Variants in MCEE observed in about 807,000 individuals in gnomAD.
MCEE encodes methylmalonyl-CoA epimerase, mitochondrial.
MCEE carries 6 observed loss-of-function variants against 12.9 expected under a neutral mutation model. The observed-to-expected ratio is 0.47, with a 90% CI of 0.26 to 0.92. MCEE has a LOEUF of 0.92. Ranked by LOEUF, MCEE falls within the 40% of genes least tolerant of loss-of-function variation. The probability of loss-of-function intolerance (pLI) is 0.16; values close to 1 mark genes in which losing one functional copy is unlikely to be tolerated. For synonymous variants in MCEE, 78 were observed against 77.9 expected, an observed-to-expected ratio of 1.00 and a Z score of -0.01; for missense variants, 214 against 212.1, an observed-to-expected ratio of 1.01 and a Z score of -0.05.
intron 2 of MCEE, among the ~76,000 whole-genome samples, chr2:71,123,211 G>A (rs1673131876): frequency 1.3e-5 from 2 of 152,168 alleles, no homozygotes; most frequent in Non-Finnish European, 2.9e-5. Context: ...GGCCTAACAG[G>A]CCAGGCAAGG....
Position 71,125,211 on chromosome 2 carries a change from A to AT in MCEE, c.41-669dup, listed in dbSNP as rs1243506608. ...TAAATATATATATATATATATATAT[A>AT]TTTTTTTTTTTTTTTGAGACGGAGT... On this transcript the variant is annotated intron_variant, in intron 1 of 2. Coordinates refer to ENST00000244217, the MANE Select transcript of MCEE (RefSeq NM_032601.4). Among the ~76,000 whole-genome samples the AT allele has an allele frequency of 3.1e-3, 149 of 48,604 alleles. 4 individuals are homozygous for AT. Among genetic ancestry groups the AT allele is most frequent in the East Asian group, 7.8e-3 (19 of 2,428 alleles). The allele number at this position is 48,604 out of a possible 152,430, so 31.9% of individuals were successfully genotyped here. A position where few individuals can be genotyped will look rare whatever the true frequency, so the allele number is the denominator to read the frequency against.
chr2:71,125,188 A>AAT (rs67615436), intron 1 of MCEE, among the ~76,000 whole-genome samples: 8,464 of 65,462 alleles, frequency 0.13, 1,435 homozygotes, highest in Non-Finnish European at 0.19. Flanking sequence ...TATATATATA[A>AAT]ATATATATAT....
intron 2 of MCEE, among the ~76,000 whole-genome samples, chr2:71,113,665 G>T (rs1672934251): frequency 1.3e-5 from 2 of 151,968 alleles, no homozygotes; most frequent in South Asian, 4.1e-4. Context: ...AATCTGAGGG[G>T]AAAAAAAGTA....
chr2:71,111,964 G>C (rs1435541078), intron 2 of MCEE, among the ~76,000 whole-genome samples: 4 of 152,184 alleles, frequency 2.6e-5, no homozygotes, highest in Non-Finnish European at 4.4e-5. Context: ...AGGATAAACT[G>C]ATCTCTTTTA....
intron 2 of MCEE, 145 bp downstream of exon 2, chr2:71,124,061 C>G (rs1673158925): frequency 1.5e-6 from 1 of 651,466 alleles, no homozygotes; most frequent in African/African-American, 1.8e-5. Context: ...TAAGGATCCA[C>G]CTTTGAGGAG....
chr2:71,112,592 T>C (rs989424116), intron 2 of MCEE, among the ~76,000 whole-genome samples: 4 of 151,952 alleles, frequency 2.6e-5, no homozygotes, highest in African/African-American at 7.3e-5. Context: ...TGTGCCACCA[T>C]GCCTGGCTAA....
At position 71,121,200 on chromosome 2, in the gene MCEE, T is replaced by A. The variant is rs558446747; in HGVS notation, c.378+3006A>T. Among the ~76,000 whole-genome samples, 6 of 152,284 alleles carry A rather than the reference T, an allele frequency of 3.9e-5. No homozygotes were observed. The South Asian group carries it at 1.2e-3, about 32-fold the overall frequency. The stretch of plus-strand genomic sequence containing the variant: ...GCCTCCCTTGCAGAGAAGTGTGTCA[T>A]GTAACTAAGCTTGGGCCAATGGGAT... On this transcript the variant is annotated intron_variant, in intron 2 of 2. Transcript: ENST00000244217.
At chr2:71,125,188 A>AATATATAT (rs67615436) in intron 1 of MCEE, among the ~76,000 whole-genome samples, 9 of 65,682 alleles carry the variant, frequency 1.4e-4, no homozygotes, top group South Asian at 6.6e-4. Context: ...TATATATATA[A>AATATATAT]ATATATATAT....
intron 2 of MCEE, among the ~76,000 whole-genome samples, chr2:71,115,062 A>G (rs1282044608): frequency 1.3e-5 from 2 of 152,200 alleles, no homozygotes; most frequent in East Asian, 1.9e-4. Flanking sequence ...TCCTTCTTCA[A>G]TATCCCTCAA....
At chr2:71,110,717 T>C (rs1672869621) in intron 2 of MCEE, 1 of 153,800 alleles carries the variant, frequency 6.5e-6, no homozygotes, top group Non-Finnish European at 1.4e-5. Flanking sequence ...TTTCAAACTT[T>C]AATGTTTTTG....
At chr2:71,112,433 CTTT>C (rs71400979) in intron 2 of MCEE, among the ~76,000 whole-genome samples, 4 of 81,194 alleles carry the variant, frequency 4.9e-5, no homozygotes, top group African/African-American at 5.1e-5. Flanking sequence ...CTGCACCTGC[CTTT>C]TTTTTTTTTT....
chr2:71,112,745 T>C (rs1310486344), intron 2 of MCEE, among the ~76,000 whole-genome samples: 1 of 152,136 alleles, frequency 6.6e-6, no homozygotes, highest in Non-Finnish European at 1.5e-5. Flanking sequence ...CCTGGTGTAG[T>C]TTTCTGTTTG....
chr2:71,116,025 G>C (rs181890279), intron 2 of MCEE, among the ~76,000 whole-genome samples: 2 of 150,232 alleles, frequency 1.3e-5, no homozygotes, highest in African/African-American at 5.0e-5. Context: ...AACAATTACA[G>C]AGTGTACCAT....
Position 71,124,493 on chromosome 2 carries a change from T to A in MCEE, c.91A>T (p.Thr31Ser). 6.2e-7 allele frequency: 1 copy of A among 1,614,104 alleles called. No homozygotes were observed. Among genetic ancestry groups the A allele is most frequent in the Non-Finnish European group, 8.5e-7 (1 of 1,180,020 alleles). ...GTCACTTGATCCAAGGGCTGTGATG[T>A]GGAAGAAGCTCTTACTGTTGGAATG... is the stretch of plus-strand genomic sequence containing the variant. ...APIPTVRASS[T>S]SQPLDQVTGS... Residue 31 changes from threonine to serine, a missense_variant, in exon 2 of 3, where the codon ACA (threonine) becomes TCA (serine). Transcript: ENST00000244217.
intron 2 of MCEE, among the ~76,000 whole-genome samples, chr2:71,115,975 G>A (rs1285567066): frequency 6.7e-6 from 1 of 150,108 alleles, no homozygotes; most frequent in African/African-American, 2.5e-5. Context: ...TAAAAAAGGG[G>A]GGGGTTATGG....
chr2:71,118,757 T>C (rs1400243038), intron 2 of MCEE, among the ~76,000 whole-genome samples: 1 of 150,184 alleles, frequency 6.7e-6, no homozygotes, highest in Admixed American at 6.6e-5. Context: ...TTTGGGGTTA[T>C]GATTTCGACA....
intron 1 of MCEE, among the ~76,000 whole-genome samples, chr2:71,125,595 G>A (rs565171518): frequency 1.3e-5 from 2 of 151,914 alleles, no homozygotes; most frequent in Non-Finnish European, 2.9e-5. Flanking sequence ...CACCCACCTC[G>A]GTCTCCCAAA....
chr2:71,121,948 A>G lies in MCEE; in HGVS notation c.378+2258T>C, dbSNP rs117979098. On this transcript the variant is annotated intron_variant, in intron 2 of 2. Coordinates refer to ENST00000244217, the MANE Select transcript of MCEE (RefSeq NM_032601.4). ...AGTGCAGACCCTGGAATCAGAACCAATCTGGGATTCAGCCCCATACCTGCT... is the reference window on the plus strand; with the variant it reads ...AGTGCAGACCCTGGAATCAGAACCAGTCTGGGATTCAGCCCCATACCTGCT... 9.4e-4 allele frequency among the ~76,000 whole-genome samples: 143 copies of G among 152,314 alleles called. 2 individuals carry two copies. In the East Asian group the frequency reaches 0.026, roughly 28 times the overall value.
intron 1 of MCEE, among the ~76,000 whole-genome samples, chr2:71,126,806 G>T (rs1049882605): frequency 6.6e-6 from 1 of 151,978 alleles, no homozygotes; most frequent in Non-Finnish European, 1.5e-5. Context: ...TAATAGAAAC[G>T]GTGTATCTTT....
Sources: gnomAD v4.1 joint callset for allele counts (sites outside exome capture counted in the v4.1 genomes callset) on GRCh38, gnomAD v4.1.1 for gene constraint, MANE v1.5 for transcripts, NCBI Gene and HGNC (gene_info 2026-07-23, HGNC 2026-07-21) for gene names.